Variants in SCARB2 observed in about 807,000 individuals in gnomAD.
SCARB2 encodes the protein lysosome membrane protein 2.
Under a neutral mutation model 58.6 loss-of-function variants are expected in SCARB2, and 29 were observed. The observed-to-expected ratio is 0.49, with a 90% confidence interval of 0.37 to 0.67. The LOEUF is 0.67. Ranked by LOEUF, SCARB2 falls within the 30% of genes least tolerant of loss-of-function variation. The pLI is 0.00. For missense variants in SCARB2, 488 were observed against 578.5 expected (o/e 0.84, Z 1.60); for synonymous variants, 195 against 210.1 (o/e 0.93, Z 0.62).
At chr4:76,215,543 A>C (rs1468647398), upstream of SCARB2, among the ~76,000 whole-genome samples, 25 of 152,244 alleles carry the variant, frequency 1.6e-4, no homozygotes, top group Admixed American at 1.6e-3. Context: ...GGTGGGGTCT[A>C]TACTTTCTCG....
In SCARB2 at chr4:76,169,891, A is replaced by G. The variant is rs753197792; in HGVS notation, c.1089T>C (p.His363=). ...CAGGATTAATGTCCACAAATGTCTCATGGTCTTCCTGATTTGGGTGCATGC... is the reference window on the plus strand; with the variant it reads ...CAGGATTAATGTCCACAAATGTCTCGTGGTCTTCCTGATTTGGGTGCATGC... ...IEGMHPNQED[H]ETFVDINPLT... Residue 363 remains histidine (H), a synonymous_variant, in exon 8 of 12, where the codon CAT becomes CAC. Coordinates refer to ENST00000264896, the MANE Select transcript of SCARB2 (RefSeq NM_005506.4). 128 of 1,611,502 alleles carry G rather than the reference A, an allele frequency of 7.9e-5. No homozygotes were observed. The highest frequency in any genetic ancestry group is 1.0e-4 in the Non-Finnish European group (120 of 1,177,726).
Position 76,195,835 on chromosome 4 carries a change from T to G in SCARB2, c.147A>C (p.Ala49=), listed in dbSNP as rs764449103. The change falls in exon 2 of 12, where the codon GCA becomes GCC. Residue 49 remains alanine, a synonymous_variant. Transcript: ENST00000264896. The part of the protein sequence containing the change: ...KKIVLRNGTE[A]FDSWEKPPLP... ...GAGGGGGCTTCTCCCAGGAGTCAAA[T>G]GCCTCAGTACCATTCCTTAACACAA... 4 of 1,613,778 alleles carry G rather than the reference T, an allele frequency of 2.5e-6. No homozygotes were observed. Among genetic ancestry groups the G allele is most frequent in the Non-Finnish European group, 3.4e-6 (4 of 1,179,796 alleles).
At chr4:76,181,236 T>A in intron 2 of SCARB2, 135 bp from the exon 3 acceptor site, 1 of 866,526 alleles carries the variant, frequency 1.2e-6, no homozygotes, top group Non-Finnish European at 1.8e-6. Context: ...CTGCAGCTAC[T>A]AAGCCTTAAA....
At chr4:76,172,178 A>G (rs1206062714) in intron 7 of SCARB2, among the ~76,000 whole-genome samples, 2 of 148,642 alleles carry the variant, frequency 1.3e-5, no homozygotes, top group African/African-American at 4.9e-5. Context: ...AGTCTTCAAG[A>G]TGAAAAATAC....
chr4:76,195,248 C>A, intron 2 of SCARB2: 1 of 160,278 alleles, frequency 6.2e-6, no homozygotes, highest in Non-Finnish European at 1.4e-5. Context: ...ACTTGCAATC[C>A]CAGCTACTAG....
At chr4:76,167,964 C>T (rs1732050904) in intron 9 of SCARB2, among the ~76,000 whole-genome samples, 1 of 152,158 alleles carries the variant, frequency 6.6e-6, no homozygotes, top group African/African-American at 2.4e-5. Flanking sequence ...CAGGCATGAG[C>T]CACTGTACCC....
rs779731699 is a variant in SCARB2 at position 76,213,567 on chromosome 4, GC to G, written c.-25del. ...ATTCTGTGCGCCGCTCACGGGCCGGGCCGGGCCGCACCCGCCAGGGATCCAA... is the reference window on the plus strand; with the variant it reads ...ATTCTGTGCGCCGCTCACGGGCCGGGCGGGCCGCACCCGCCAGGGATCCAA... On this transcript the variant is annotated 5_prime_UTR_variant, in exon 1 of 12. Transcript: ENST00000264896. 5.7e-6 allele frequency: 9 copies of G among 1,582,860 alleles called. No homozygotes were observed. In the South Asian group the frequency reaches 1.0e-4, roughly 18 times the overall value.
intron 1 of SCARB2, among the ~76,000 whole-genome samples, chr4:76,202,651 G>C (rs1732852059): frequency 1.3e-5 from 2 of 152,026 alleles, no homozygotes; most frequent in Non-Finnish European, 2.9e-5. Flanking sequence ...AATGAAGAAA[G>C]TAAAAGGAAC....
Position 76,165,281 on chromosome 4 carries a change from A to C in SCARB2, c.1239+969T>G, listed in dbSNP as rs151176596. The stretch of plus-strand genomic sequence containing the variant: ...AAAAACCTCATCTTAGAATTGTAAT[A>C]ACAAACCCTTAAAAGTTTGTAAATG... On this transcript the variant is annotated intron_variant, in intron 10 of 11. Coordinates refer to ENST00000264896, the MANE Select transcript of SCARB2 (RefSeq NM_005506.4). 484 of 152,338 alleles carry C rather than the reference A, an allele frequency of 3.2e-3. 4 individuals are homozygous for C. The highest frequency in any genetic ancestry group is 0.011 in the African/African-American group (458 of 41,580). The allele number at this position is 152,338 out of a possible 1,614,324, so 9.4% of individuals were successfully genotyped here. A position where few individuals can be genotyped will look rare whatever the true frequency, so the allele number is the denominator to read the frequency against.
At chr4:76,164,434 A>C (rs1158623854) in intron 10 of SCARB2, 2 of 152,232 alleles carry the variant, frequency 1.3e-5, no homozygotes, top group African/African-American at 4.8e-5. Context: ...AGATCACTTG[A>C]GGTCATGAGT....
intron 2 of SCARB2, chr4:76,192,623 A>G (rs781591680): frequency 5.9e-5 from 9 of 151,758 alleles, no homozygotes; most frequent in Non-Finnish European, 1.0e-4. Context: ...CAACCTGGCC[A>G]TGTGGCAGAG....
chr4:76,226,049 T>A (rs534342609), intron 1 of SCARB2, among the ~76,000 whole-genome samples: 4 of 152,182 alleles, frequency 2.6e-5, no homozygotes, highest in Non-Finnish European at 5.9e-5. Flanking sequence ...TATTTTTTAT[T>A]ACTGTTTGTT....
Position 76,213,592 on chromosome 4 carries a change from A to G in SCARB2, c.-49T>C. The G allele has an allele frequency of 6.6e-7, 1 of 1,504,042 alleles. No individual in the cohort carries two copies. Among genetic ancestry groups the G allele is most frequent in the South Asian group, 1.1e-5 (1 of 87,606 alleles). 93.2% of individuals were successfully genotyped at this position (1,504,042 alleles called of 1,614,324 possible). Reference sequence around the variant, plus strand: ...GCCGGGCCGCACCCGCCAGGGATCCAACTGCAAGGAGGGAGGAGCCGCCGC... The same window carrying G: ...GCCGGGCCGCACCCGCCAGGGATCCGACTGCAAGGAGGGAGGAGCCGCCGC... On this transcript the variant is annotated 5_prime_UTR_variant, in exon 1 of 12. Transcript: ENST00000264896.
intron 2 of SCARB2, among the ~76,000 whole-genome samples, chr4:76,186,821 G>A (rs1337307277): frequency 6.6e-6 from 1 of 151,774 alleles, no homozygotes; most frequent in East Asian, 1.9e-4. Flanking sequence ...CTTCTGAGCA[G>A]TTTAAGGATT....
chr4:76,213,766 CG>C lies in SCARB2; in HGVS notation c.-224del, dbSNP rs992619925. The C allele has an allele frequency of 2.8e-5, 12 of 434,116 alleles. No individual in the cohort carries two copies. The highest frequency in any genetic ancestry group is 8.5e-5 in the African/African-American group (4 of 46,978). 26.9% of individuals were successfully genotyped at this position (434,116 alleles called of 1,614,324 possible). A position where few individuals can be genotyped will look rare whatever the true frequency, so the allele number is the denominator to read the frequency against. On this transcript the variant is annotated 5_prime_UTR_variant, in exon 1 of 12. Transcript: ENST00000264896. ...GGCCGCGGAGGGACGGGCCCGGACTCGGTTTCGGTTTCCTTCGCCGGGCAGC... is the reference window on the plus strand; with the variant it reads ...GGCCGCGGAGGGACGGGCCCGGACTCGTTTCGGTTTCCTTCGCCGGGCAGC...
upstream of SCARB2, among the ~76,000 whole-genome samples, chr4:76,218,563 G>T (rs1051345023): frequency 6.6e-6 from 1 of 152,194 alleles, no homozygotes; most frequent in Admixed American, 6.5e-5. Context: ...CCAACTAGGG[G>T]AATCTTTTCC....
intron 1 of SCARB2, among the ~76,000 whole-genome samples, chr4:76,204,453 T>C (rs1298469798): frequency 6.6e-6 from 1 of 152,212 alleles, no homozygotes; most frequent in African/African-American, 2.4e-5. Flanking sequence ...ATAAATTACA[T>C]ACAGGACAAT....
chr4:76,185,824 C>G (rs1353775925), intron 2 of SCARB2, among the ~76,000 whole-genome samples: 1 of 152,194 alleles, frequency 6.6e-6, no homozygotes, highest in Non-Finnish European at 1.5e-5. Flanking sequence ...AGACTGAGAT[C>G]TGGCTGGTAG....
chr4:76,174,623 C>T (rs768919440), intron 6 of SCARB2: 22 of 359,550 alleles, frequency 6.1e-5, no homozygotes, highest in African/African-American at 1.5e-4. Flanking sequence ...CCTCTCTAGA[C>T]CTGCATGGAC....
Sources: gnomAD v4.1 joint callset for allele counts (sites outside exome capture counted in the v4.1 genomes callset) on GRCh38, gnomAD v4.1.1 for gene constraint, MANE v1.5 for transcripts, NCBI Gene and HGNC (gene_info 2026-07-23, HGNC 2026-07-21) for gene names.